Variants in PIAS2 observed in about 807,000 individuals in gnomAD.
PIAS2 encodes the protein E3 SUMO-protein ligase PIAS2.
A neutral mutation model predicts 69.7 loss-of-function variants in PIAS2; 19 were observed. That is an observed-to-expected ratio of 0.27 (90% CI 0.19 to 0.40). PIAS2 has a LOEUF of 0.40. Ranked by LOEUF, PIAS2 falls within the 10% of genes least tolerant of loss-of-function variation. The pLI, the probability that PIAS2 is intolerant of heterozygous loss-of-function variation, is 1.00. For missense variants in PIAS2, 624 were observed against 757.0 expected (o/e 0.82, Z 2.06); for synonymous variants, 261 against 263.2 (o/e 0.99, Z 0.08).
intron 1 of PIAS2, 52 bp downstream of exon 1, chr18:46,917,270 A>T: frequency 7.5e-6 from 9 of 1,207,904 alleles, no homozygotes; most frequent in Non-Finnish European, 1.0e-5. Flanking sequence ...CGGTTTCCCC[A>T]CCTCCTCTCC....
intron 2 of PIAS2, among the ~76,000 whole-genome samples, chr18:46,880,069 C>T (rs2051944916): frequency 7.1e-6 from 1 of 140,946 alleles, no homozygotes; most frequent in South Asian, 2.2e-4. Context: ...AATGGTCAGA[C>T]AGTATGTATT....
At chr18:46,823,263 T>G (rs922588671) in intron 11 of PIAS2, among the ~76,000 whole-genome samples, 2 of 151,928 alleles carry the variant, frequency 1.3e-5, no homozygotes, top group African/African-American at 4.8e-5. Flanking sequence ...TATCGTGTTT[T>G]TTTTTTCTCT....
At chr18:46,912,703 TAGAG>T (rs1302915315) in intron 1 of PIAS2, among the ~76,000 whole-genome samples, 5 of 152,092 alleles carry the variant, frequency 3.3e-5, no homozygotes, top group Non-Finnish European at 7.4e-5. Flanking sequence ...TGAAAAAATA[TAGAG>T]AGAAAGGCAT....
intron 11 of PIAS2, among the ~76,000 whole-genome samples, chr18:46,826,319 T>C (rs2042844967): frequency 6.6e-6 from 1 of 152,216 alleles, no homozygotes; most frequent in Non-Finnish European, 1.5e-5. Flanking sequence ...CCATCCCTCC[T>C]GTTTCATGGA....
chr18:46,865,627 C>T (rs1026896028), intron 2 of PIAS2, among the ~76,000 whole-genome samples: 6 of 151,750 alleles, frequency 4.0e-5, no homozygotes, highest in Non-Finnish European at 7.4e-5. Context: ...AATGTCAGAG[C>T]GGTTCAACCA....
At chr18:46,909,326 A>G (rs2056998080) in intron 1 of PIAS2, among the ~76,000 whole-genome samples, 1 of 152,134 alleles carries the variant, frequency 6.6e-6, no homozygotes, top group Non-Finnish European at 1.5e-5. Flanking sequence ...TGGCATGATC[A>G]CAGCTCACTT....
intron 12 of PIAS2, chr18:46,817,796 T>C: frequency 4.2e-6 from 4 of 954,332 alleles, no homozygotes; most frequent in Non-Finnish European, 5.0e-6. Flanking sequence ...GTATTTTAGA[T>C]GTTATTCTTT....
intron 6 of PIAS2, chr18:46,846,494 A>G (rs943176131): frequency 5.3e-6 from 2 of 378,910 alleles, no homozygotes; most frequent in Admixed American, 4.5e-5. Context: ...TTTCCTTTCC[A>G]GGAAAATAAA....
At chr18:46,891,126 G>A in intron 1 of PIAS2, 72 bp from the exon 2 acceptor site, 1 of 1,109,900 alleles carries the variant, frequency 9.0e-7, no homozygotes, top group Non-Finnish European at 1.3e-6. Context: ...AAAATATAAT[G>A]TAAAATGTGA....
intron 1 of PIAS2, among the ~76,000 whole-genome samples, chr18:46,895,534 G>A (rs2054716000): frequency 6.6e-6 from 1 of 152,064 alleles, no homozygotes; most frequent in Non-Finnish European, 1.5e-5. Context: ...AGCCGGGTGT[G>A]GTGTCTCGCA....
chr18:46,910,222 C>A (rs917728808), intron 1 of PIAS2, among the ~76,000 whole-genome samples: 1 of 151,844 alleles, frequency 6.6e-6, no homozygotes, highest in Non-Finnish European at 1.5e-5. Flanking sequence ...AAAGACAGAC[C>A]AGGAATGATG....
chr18:46,836,301 C>T, intron 9 of PIAS2, 56 bp downstream of exon 9: 1 of 1,323,064 alleles, frequency 7.6e-7, no homozygotes, highest in Non-Finnish European at 1.1e-6. Flanking sequence ...TGAACAAAGG[C>T]ATTGCCAACA....
At chr18:46,881,772 G>A (rs2052308632) in intron 2 of PIAS2, among the ~76,000 whole-genome samples, 1 of 152,180 alleles carries the variant, frequency 6.6e-6, no homozygotes, top group Non-Finnish European at 1.5e-5. Flanking sequence ...ACACCTTAAA[G>A]CCCATCTCAT....
chr18:46,899,994 G>T (rs570579286), intron 1 of PIAS2, among the ~76,000 whole-genome samples: 2 of 152,236 alleles, frequency 1.3e-5, no homozygotes, highest in South Asian at 4.2e-4. Flanking sequence ...ATTTTGGGAG[G>T]CCAAGTGGGC....
Position 46,820,970 on chromosome 18 carries a change from G to A in PIAS2, c.1611C>T (p.His537=). 6.2e-7 allele frequency: 1 copy of A among 1,613,274 alleles called. No homozygotes were observed. The highest frequency in any genetic ancestry group is 1.1e-5 in the South Asian group (1 of 91,006). ...ATGACATGCTTGATATTGGCGTATGGTGGAATGGTACTGAGTAGTCTGTTA... is the reference window on the plus strand; with the variant it reads ...ATGACATGCTTGATATTGGCGTATGATGGAATGGTACTGAGTAGTCTGTTA... ...PSLTDYSVPF[H]HTPISSMSSD... is the part of the protein sequence containing the mutation. Residue 537 remains histidine (H), a synonymous_variant, in exon 12 of 14, where the codon CAC becomes CAT. Transcript: ENST00000585916.
At chr18:46,844,154 T>A (rs372481796) in intron 7 of PIAS2, 27 bp from the exon 8 acceptor site, 308 of 931,484 alleles carry the variant, frequency 3.3e-4, no homozygotes, top group Admixed American at 1.4e-3. Flanking sequence ...AAAAAAAAAA[T>A]TTAAAAAAAT....
chr18:46,866,679 G>C lies in PIAS2; in HGVS notation c.500-2431C>G, dbSNP rs142952800. Reference sequence around the variant, plus strand: ...GCTAAAGTGATGGCATTGAAAGGCAGGATTTCTAACACAGGGAGGAAATAT... The same window carrying C: ...GCTAAAGTGATGGCATTGAAAGGCACGATTTCTAACACAGGGAGGAAATAT... On this transcript the variant is annotated intron_variant, in intron 2 of 13. Transcript: ENST00000585916. Among the ~76,000 whole-genome samples the C allele has an allele frequency of 5.7e-3, 873 of 152,250 alleles. 9 individuals are homozygous for C. Among genetic ancestry groups the C allele is most frequent in the African/African-American group, 0.02 (837 of 41,524 alleles).
chr18:46,869,800 A>T (rs1490234252), intron 2 of PIAS2, among the ~76,000 whole-genome samples: 1 of 152,188 alleles, frequency 6.6e-6, no homozygotes, highest in Non-Finnish European at 1.5e-5. Context: ...TGAGGATTGA[A>T]TTTGTCAACT....
In PIAS2 at chr18:46,811,231, T is replaced by C. The variant is rs1416568128; in HGVS notation, c.*1202A>G. 6.6e-6 allele frequency: 1 copy of C among 152,006 alleles called. No individual in the cohort carries two copies. Among genetic ancestry groups the C allele is most frequent in the African/African-American group, 2.4e-5 (1 of 41,434 alleles). The allele number at this position is 152,006 out of a possible 1,614,324, so 9.4% of individuals were successfully genotyped here. A position where few individuals can be genotyped will look rare whatever the true frequency, so the allele number is the denominator to read the frequency against. On this transcript the variant is annotated 3_prime_UTR_variant, in exon 14 of 14. Coordinates refer to ENST00000585916, the MANE Select transcript of PIAS2 (RefSeq NM_004671.5). ...ACATTTCTAATTCTCTTTTGTCGTT[T>C]GTAGTTTCAGGTAAGATATCATTTT...
Sources: allele counts gnomAD v4.1 joint callset (sites outside exome capture counted in the v4.1 genomes callset), GRCh38; gene constraint gnomAD v4.1.1; transcripts MANE v1.5; gene names NCBI Gene and HGNC (gene_info 2026-07-23, HGNC 2026-07-21).